NSD1: variants seen among roughly 807,000 people sequenced by gnomAD.
NSD1 encodes the protein histone-lysine N-methyltransferase, H3 lysine-36 specific.
A neutral mutation model predicts 242.7 loss-of-function variants in NSD1; 26 were observed. The ratio of observed to expected loss-of-function variants is 0.11; its 90% CI spans 0.08 to 0.15. NSD1 has a LOEUF of 0.15. NSD1 is among the 10% of genes least tolerant of loss of function. NSD1 has a pLI of 1.00. For missense variants in NSD1, 2,495 were observed against 3,272.8 expected (o/e 0.76, Z 5.80); for synonymous variants, 1,106 against 1,178.1 (o/e 0.94, Z 1.25).
At chr5:177,164,787 A>G (rs1163097696) in intron 2 of NSD1, among the ~76,000 whole-genome samples, 2 of 151,548 alleles carry the variant, frequency 1.3e-5, no homozygotes, top group East Asian at 3.9e-4. Context: ...CTACTAAAAT[A>G]CAAAAATTAG....
intron 4 of NSD1, among the ~76,000 whole-genome samples, chr5:177,208,247 G>T (rs913545019): frequency 1.3e-5 from 2 of 152,176 alleles, no homozygotes; most frequent in African/African-American, 4.8e-5. Context: ...GAGGTATCCA[G>T]AAAAGATAAT....
intron 18 of NSD1, among the ~76,000 whole-genome samples, chr5:177,281,300 T>C (rs974843908): frequency 7.3e-5 from 11 of 151,428 alleles, no homozygotes; most frequent in African/African-American, 2.7e-4. Flanking sequence ...GCAGGATCTC[T>C]AAGTTTCTAA....
At chr5:177,233,537 ATT>A (rs56908682) in intron 5 of NSD1, among the ~76,000 whole-genome samples, 1 of 126,426 alleles carries the variant, frequency 7.9e-6, no homozygotes. Context: ...CCTGGCTAGT[ATT>A]TTTTTTTTTT....
In NSD1 at chr5:177,295,942, T is replaced by TGA. The variant is rs1760227406; in HGVS notation, c.*488_*489dup. The TGA allele has an allele frequency of 3.0e-6, 1 of 330,038 alleles. No homozygotes were observed. Among genetic ancestry groups the TGA allele is most frequent in the Non-Finnish European group, 5.7e-6 (1 of 175,798 alleles). The allele number at this position is 330,038 out of a possible 1,614,324, so 20.4% of individuals were successfully genotyped here. A position where few individuals can be genotyped will look rare whatever the true frequency, so the allele number is the denominator to read the frequency against. ...TTCTAGGCCGGGTGCTAGTCACTGA[T>TGA]GAGAGATACAGGCCTCATCCCTGTG... On this transcript the variant is annotated 3_prime_UTR_variant, in exon 23 of 23. Transcript: ENST00000439151. This position sits in a 1 kb window ranked among gnomAD's most constrained non-coding sequence, Gnocchi z 4.3.
Position 177,192,009 on chromosome 5 carries a change from A to C in NSD1, c.1053A>C (p.Ser351=), listed in dbSNP as rs1215728772. ...CTGATCCGTTGATTAACACACATTC[A>C]AAAATGAAAGGTAATACTTGCAGTG... The part of the protein sequence containing the change: ...ICSDPLINTH[S]KMKVSNRRPY... Residue 351 remains serine (S), a synonymous_variant, in exon 3 of 23, where the codon TCA becomes TCC. Coordinates refer to ENST00000439151, the MANE Select transcript of NSD1 (RefSeq NM_022455.5). The C allele has an allele frequency of 6.2e-7, 1 of 1,614,098 alleles. No homozygotes were observed.
At chr5:177,189,277 A>C (rs1391956995) in intron 2 of NSD1, among the ~76,000 whole-genome samples, 1 of 152,170 alleles carries the variant, frequency 6.6e-6, no homozygotes, top group Admixed American at 6.6e-5. Flanking sequence ...ACAGTTTGTG[A>C]TGGAGTCAGA....
chr5:177,137,955 A>G (rs941327094), intron 2 of NSD1, among the ~76,000 whole-genome samples: 7 of 151,894 alleles, frequency 4.6e-5, no homozygotes, highest in African/African-American at 1.7e-4. Context: ...GGCAACTGTA[A>G]TCCCAGCTAC....
intron 2 of NSD1, among the ~76,000 whole-genome samples, chr5:177,178,273 C>G (rs1338690127): frequency 2.0e-5 from 3 of 152,132 alleles, no homozygotes; most frequent in Non-Finnish European, 4.4e-5. Flanking sequence ...GTTGCCTAGG[C>G]TGGAGTGCAA....
At chr5:177,239,176 T>C (rs1186124569) in intron 7 of NSD1, among the ~76,000 whole-genome samples, 1 of 152,252 alleles carries the variant, frequency 6.6e-6, no homozygotes, top group Non-Finnish European at 1.5e-5. Flanking sequence ...TAGCTTTTGA[T>C]GTTATTCCTT....
intron 13 of NSD1, 36 bp from the exon 14 acceptor site, chr5:177,259,953 T>A: frequency 6.2e-7 from 1 of 1,612,838 alleles, no homozygotes; most frequent in Non-Finnish European, 8.5e-7. Context: ...AATATTTTTG[T>A]TTTTCTTTTG....
rs1760696438 is a variant in NSD1 at position 177,181,592 on chromosome 5, A to AT, written c.928-10286dup. 4.0e-5 allele frequency among the ~76,000 whole-genome samples: 6 copies of AT among 151,636 alleles called. No homozygotes were observed. In the South Asian group the frequency reaches 1.3e-3, roughly 32 times the overall value. On this transcript the variant is annotated intron_variant, in intron 2 of 22. Coordinates refer to ENST00000439151, the MANE Select transcript of NSD1 (RefSeq NM_022455.5). The stretch of plus-strand genomic sequence containing the variant: ...AGGTGCCTGCCAGTATGCCTGGCTA[A>AT]TTTTTTGTAGTTTTTGTAGAGATGA...
chr5:177,151,394 A>G (rs1757685947), intron 2 of NSD1, among the ~76,000 whole-genome samples: 1 of 151,324 alleles, frequency 6.6e-6, no homozygotes, highest in Non-Finnish European at 1.5e-5. Flanking sequence ...TTTTATTTTT[A>G]TTTTTATTTT....
At position 177,291,895 on chromosome 5, in the gene NSD1, G is replaced by A. The variant is rs76116584; in HGVS notation, c.6259-59G>A. On this transcript the variant is annotated intron_variant, in intron 21 of 22. Coordinates refer to ENST00000439151, the MANE Select transcript of NSD1 (RefSeq NM_022455.5). ...GAGGCTCAGAGAGGGTAGTTAACCCGGTTAAGATTGGTACTAATGTGTTCA... is the reference window on the plus strand; with the variant it reads ...GAGGCTCAGAGAGGGTAGTTAACCCAGTTAAGATTGGTACTAATGTGTTCA... 1,865 of 1,495,022 alleles carry A rather than the reference G, an allele frequency of 1.2e-3. 24 individuals are homozygous for A. The African/African-American group carries it at 0.022, about 18-fold the overall frequency. The allele number at this position is 1,495,022 out of a possible 1,614,324, so 92.6% of individuals were successfully genotyped here.
In NSD1 at chr5:177,259,980, C is replaced by T. The variant is rs1164442534; in HGVS notation, c.4967-9C>T. 3.1e-6 allele frequency: 5 copies of T among 1,613,934 alleles called. No individual in the cohort carries two copies. The highest frequency in any genetic ancestry group is 4.2e-6 in the Non-Finnish European group (5 of 1,179,984). ...TTTCTTTTGCTTGTCCCTGATTTTC[C>T]TGCTTTAGGTCGGTTGATGCGCTGT... is the stretch of plus-strand genomic sequence containing the variant. On this transcript the variant is annotated splice_polypyrimidine_tract_variant and intron_variant, in intron 13 of 22. Transcript: ENST00000439151.
intron 22 of NSD1, 59 bp downstream of exon 22, chr5:177,292,217 A>C: frequency 1.1e-4 from 168 of 1,543,046 alleles, no homozygotes; most frequent in Non-Finnish European, 1.4e-4. Context: ...TCAGGGTCTC[A>C]TGCCATTTGC....
At chr5:177,156,468 C>T (rs899004424) in intron 2 of NSD1, among the ~76,000 whole-genome samples, 4 of 152,092 alleles carry the variant, frequency 2.6e-5, no homozygotes, top group East Asian at 1.9e-4. Context: ...CGTAAGCCTC[C>T]GCCGGGCCTT....
intron 2 of NSD1, among the ~76,000 whole-genome samples, chr5:177,189,572 T>C (rs1272869077): frequency 6.6e-6 from 1 of 152,106 alleles, no homozygotes; most frequent in Non-Finnish European, 1.5e-5. Context: ...GGCTCTGGAG[T>C]TGTATCTCCC....
In NSD1 at chr5:177,238,465, C is replaced by T. The variant is rs1765619618; in HGVS notation, c.4150C>T (p.Arg1384Trp). 1.9e-6 allele frequency: 3 copies of T among 1,613,964 alleles called. No homozygotes were observed. The highest frequency in any genetic ancestry group is 1.3e-5 in the African/African-American group (1 of 74,906). ...GCCTGTGGCTCCGGAAGTCTCTCCACGGCCTGCCCTTGAGTCTGAGGAATT... is the reference window on the plus strand; with the variant it reads ...GCCTGTGGCTCCGGAAGTCTCTCCATGGCCTGCCCTTGAGTCTGAGGAATT... The part of the protein sequence containing the change: ...SVPVAPEVSP[R>W]PALESEELLV... Residue 1384 changes from arginine to tryptophan, a missense_variant, in exon 7 of 23, where the codon CGG becomes TGG. By Grantham distance (101) the Arg-to-Trp change is moderately radical (BLOSUM62 -3). This residue lies in a region of NSD1 where 100 missense variants were observed against 190.7 expected (regional missense o/e 0.52). Coordinates refer to ENST00000439151, the MANE Select transcript of NSD1 (RefSeq NM_022455.5). This position sits in a 1 kb window ranked among gnomAD's most constrained non-coding sequence, Gnocchi z 4.6.
chr5:177,216,882 T>C (rs1763816494), intron 5 of NSD1, among the ~76,000 whole-genome samples: 1 of 151,976 alleles, frequency 6.6e-6, no homozygotes, highest in South Asian at 2.1e-4. Flanking sequence ...TTTATGCCAG[T>C]ACAATATTGT....
Sources: gnomAD v4.1 joint callset for allele counts (sites outside exome capture counted in the v4.1 genomes callset) on GRCh38, gnomAD v4.1.1 for gene constraint, gnomAD v4.1.1 regional missense constraint, Gnocchi (gnomAD v3.1) non-coding constraint, MANE v1.5 for transcripts, NCBI Gene and HGNC (gene_info 2026-07-23, HGNC 2026-07-21) for gene names.